CDH4: variants seen among roughly 807,000 people sequenced by gnomAD.
CDH4 encodes the protein cadherin 4, also known as cadherin-4.
CDH4 carries 33 observed loss-of-function variants against 86.0 expected under a neutral mutation model. The ratio of observed to expected loss-of-function variants is 0.38; its 90% CI spans 0.29 to 0.51. The LOEUF is 0.51. Among genes scored for constraint, CDH4 ranks in the 20% least tolerant of loss-of-function variants. CDH4 has a pLI of 0.86. For missense variants in CDH4, 1,114 were observed against 1,307.4 expected (o/e 0.85, Z 2.28); for synonymous variants, 555 against 549.4 (o/e 1.01, Z -0.14).
rs111236213 is a variant in CDH4, at chr20:61,428,198, A to C, written c.169+173261A>C. ...ATTCAAAGCCTATCTAAAGGCAAAA[A>C]TCAGACACTACCAAGTGTCGACAGA... On this transcript the variant is annotated intron_variant, in intron 2 of 15. Coordinates refer to ENST00000614565, the MANE Select transcript of CDH4 (RefSeq NM_001794.5). Among the ~76,000 whole-genome samples the C allele has an allele frequency of 6.5e-3, 986 of 152,316 alleles. 15 individuals are homozygous for C. The highest frequency in any genetic ancestry group is 0.017 in the Middle Eastern group (5 of 294).
At chr20:61,640,366 G>A (rs556509696) in intron 2 of CDH4, among the ~76,000 whole-genome samples, 2 of 152,360 alleles carry the variant, frequency 1.3e-5, no homozygotes, top group South Asian at 4.1e-4. Context: ...CTGCAGAGAT[G>A]AATGTGCACG....
chr20:61,495,902 C>CAAAA (rs72458954), intron 2 of CDH4, among the ~76,000 whole-genome samples: 17 of 58,372 alleles, frequency 2.9e-4, no homozygotes, highest in Admixed American at 8.4e-4. Context: ...GACTCCATCT[C>CAAAA]AAAAAAAAAA....
In CDH4 at chr20:61,269,698, C is replaced by A. The variant is rs142047023; in HGVS notation, c.169+14761C>A. On this transcript the variant is annotated intron_variant, in intron 2 of 15. Coordinates refer to ENST00000614565, the MANE Select transcript of CDH4 (RefSeq NM_001794.5). This position sits in a 1 kb window ranked among gnomAD's most constrained non-coding sequence, Gnocchi z 5.3. ...ACCCCAGTCCTGCCAGAGCTGCCCT[C>A]CTGCTCTCCTCCTCCTCTTCTGGTC... Among the ~76,000 whole-genome samples the A allele has an allele frequency of 3.2e-3, 489 of 152,360 alleles. 1 individual carries two copies. The highest frequency in any genetic ancestry group is 0.011 in the African/African-American group (451 of 41,586).
At chr20:61,433,858 T>TTATTGCTGAAAGGATTAAATAAGATA (rs1468637152) in intron 2 of CDH4, among the ~76,000 whole-genome samples, 8 of 152,122 alleles carry the variant, frequency 5.3e-5, no homozygotes, top group African/African-American at 1.4e-4. Context: ...AAAAGAGTGT[T>TTATTGCTGAAAGGATTAAATAAGATA]TATTGCTGAA....
Position 61,289,459 on chromosome 20 carries a change from A to G in CDH4, c.169+34522A>G, listed in dbSNP as rs113746667. 2.6e-3 allele frequency among the ~76,000 whole-genome samples: 397 copies of G among 152,324 alleles called. 5 individuals are homozygous for G. Among genetic ancestry groups the G allele is most frequent in the African/African-American group, 7.9e-3 (329 of 41,574 alleles). ...GCTCGTGCCACCAGCGCATGCCAAC[A>G]GTAAGGGGTACGGGGTGTCGCCAGC... On this transcript the variant is annotated intron_variant, in intron 2 of 15. Transcript: ENST00000614565.
chr20:61,535,394 C>G (rs2085988950), intron 2 of CDH4, among the ~76,000 whole-genome samples: 1 of 152,172 alleles, frequency 6.6e-6, no homozygotes, highest in Admixed American at 6.5e-5. Context: ...GCCCACGGAA[C>G]AAGGAAGGGC....
At position 61,676,868 on chromosome 20, in the gene CDH4, C is replaced by T. The variant is rs182464044; in HGVS notation, c.170-66695C>T. ...GGGAGGCCTGGCTGGGTGGCCTTTG[C>T]CAGGGGAGGCCTGACTGGGTGGCCT... On this transcript the variant is annotated intron_variant, in intron 2 of 15. Coordinates refer to ENST00000614565, the MANE Select transcript of CDH4 (RefSeq NM_001794.5). This position sits in a 1 kb window ranked among gnomAD's most constrained non-coding sequence, Gnocchi z 4.5. Among the ~76,000 whole-genome samples the T allele has an allele frequency of 2.6e-5, 4 of 152,046 alleles. No homozygotes were observed. Among genetic ancestry groups the T allele is most frequent in the African/African-American group, 4.8e-5 (2 of 41,408 alleles).
rs1212003125 is a variant in CDH4, at chr20:61,252,272, C to G, written c.-242C>G. Among the ~76,000 whole-genome samples the G allele has an allele frequency of 6.9e-6, 1 of 145,704 alleles. No individual in the cohort carries two copies. Among genetic ancestry groups the G allele is most frequent in the African/African-American group, 2.5e-5 (1 of 40,450 alleles). ...CGAGCGCGCGGAACAGAGGCGCGGG[C>G]GGCTGCGAGGCCGGCGGACGCACCG... is the stretch of plus-strand genomic sequence containing the variant. On this transcript the variant is annotated 5_prime_UTR_variant, in exon 1 of 16. Transcript: ENST00000614565. The surrounding 1 kb of genome is among the most constrained non-coding windows in gnomAD (Gnocchi z 4.4).
chr20:61,850,742 C>A (rs550767027), intron 5 of CDH4, among the ~76,000 whole-genome samples: 12 of 152,244 alleles, frequency 7.9e-5, no homozygotes, highest in Non-Finnish European at 1.3e-4. Flanking sequence ...TTGCGTGTTT[C>A]CTCCACCGTC....
intron 2 of CDH4, among the ~76,000 whole-genome samples, chr20:61,299,686 C>G (rs1313791536): frequency 1.3e-5 from 2 of 152,154 alleles, no homozygotes; most frequent in Non-Finnish European, 2.9e-5. Flanking sequence ...GACCCTGGAA[C>G]CCCATGCCTC....
intron 2 of CDH4, among the ~76,000 whole-genome samples, chr20:61,700,131 G>A (rs1291241099): frequency 6.6e-6 from 1 of 152,204 alleles, no homozygotes; most frequent in Non-Finnish European, 1.5e-5. Context: ...AGGTCCCAGA[G>A]GGTGGAATGC....
At chr20:61,913,625 C>T (rs1225261443) in intron 9 of CDH4, among the ~76,000 whole-genome samples, 1 of 152,350 alleles carries the variant, frequency 6.6e-6, no homozygotes, top group Non-Finnish European at 1.5e-5. Context: ...GGCACCGCCA[C>T]CCCGGGAACT....
At chr20:61,404,134 AGCTG>A (rs2085066055) in intron 2 of CDH4, among the ~76,000 whole-genome samples, 2 of 53,950 alleles carry the variant, frequency 3.7e-5, no homozygotes, top group Non-Finnish European at 6.3e-5. Flanking sequence ...GAGCTGGTGC[AGCTG>A]AGCTGCTACA....
intron 4 of CDH4, among the ~76,000 whole-genome samples, chr20:61,795,616 G>T (rs1314885526): frequency 6.6e-6 from 1 of 152,200 alleles, no homozygotes; most frequent in African/African-American, 2.4e-5. Flanking sequence ...CTTAAAGCAG[G>T]AGGGCATCAA....
intron 4 of CDH4, among the ~76,000 whole-genome samples, chr20:61,843,687 TAAA>T (rs67518472): frequency 0.012 from 1,629 of 140,760 alleles, 13 homozygotes; most frequent in African/African-American, 0.025. Context: ...GACCTGTCTC[TAAA>T]AAAAAAAAAA....
chr20:61,905,021 G>A (rs1396804217), intron 8 of CDH4, among the ~76,000 whole-genome samples: 1 of 152,186 alleles, frequency 6.6e-6, no homozygotes, highest in African/African-American at 2.4e-5. Flanking sequence ...GATTGTGCCG[G>A]AAGGCCCTCG....
intron 11 of CDH4, among the ~76,000 whole-genome samples, chr20:61,927,637 C>T (rs1345121266): frequency 1.3e-5 from 2 of 152,242 alleles, no homozygotes; most frequent in African/African-American, 4.8e-5. Flanking sequence ...AGGTTTTGCC[C>T]TAAGAAGTCC....
chr20:61,666,589 A>G (rs2087327219), intron 2 of CDH4, among the ~76,000 whole-genome samples: 2 of 152,206 alleles, frequency 1.3e-5, no homozygotes, highest in South Asian at 4.1e-4. Flanking sequence ...GCTGAGGCCT[A>G]GGGCTCACAG....
At position 61,681,639 on chromosome 20, in the gene CDH4, T is replaced by C. The variant is rs540257227; in HGVS notation, c.170-61924T>C. ...GGATCCCCCTGCAGGAAGCCCGGAA[T>C]CCCTTCCACAGGCACAGAGCTGAGG... On this transcript the variant is annotated intron_variant, in intron 2 of 15. Coordinates refer to ENST00000614565, the MANE Select transcript of CDH4 (RefSeq NM_001794.5). This position sits in a 1 kb window ranked among gnomAD's most constrained non-coding sequence, Gnocchi z 4.5. Among the ~76,000 whole-genome samples, 3 of 152,164 alleles carry C rather than the reference T, an allele frequency of 2.0e-5. No homozygotes were observed. The highest frequency in any genetic ancestry group is 4.4e-5 in the Non-Finnish European group (3 of 68,018).
Sources: gnomAD v4.1 joint callset for allele counts (sites outside exome capture counted in the v4.1 genomes callset) on GRCh38, gnomAD v4.1.1 for gene constraint, Gnocchi (gnomAD v3.1) non-coding constraint, MANE v1.5 for transcripts, NCBI Gene and HGNC (gene_info 2026-07-23, HGNC 2026-07-21) for gene names.